Variants in PXMP4 observed in about 807,000 individuals in gnomAD.
PXMP4 encodes 24 kDa peroxisomal intrinsic membrane protein.
Under a neutral mutation model 21.6 loss-of-function variants are expected in PXMP4, and 16 were observed. The observed-to-expected ratio is 0.74, with a 90% CI of 0.50 to 1.13. PXMP4 has a LOEUF of 1.13. Among genes scored for constraint, PXMP4 ranks in the 50% most tolerant of loss-of-function variants. The probability of loss-of-function intolerance (pLI) is 0.00; values close to 1 mark genes in which losing one functional copy is unlikely to be tolerated. For missense variants in PXMP4, 240 were observed against 277.7 expected, an observed-to-expected ratio of 0.86 and a Z score of 0.96; for synonymous variants, 127 against 123.8, an observed-to-expected ratio of 1.03 and a Z score of -0.17.
Position 33,703,429 on chromosome 20 carries a change from G to C in PXMP4, c.*4277C>G, listed in dbSNP as rs1194338710. 1 of 152,290 alleles carries C rather than the reference G, an allele frequency of 6.6e-6. No homozygotes were observed. The highest frequency in any genetic ancestry group is 2.4e-5 in the African/African-American group (1 of 41,476). 9.4% of individuals were successfully genotyped at this position (152,290 alleles called of 1,614,324 possible). A position where few individuals can be genotyped will look rare whatever the true frequency, so the allele number is the denominator to read the frequency against. ...TCAGTCACTTGCCCAAGGAAACTGT[G>C]GGGCCAGGGCTTGAGCCCAGGCACT... On this transcript the variant is annotated 3_prime_UTR_variant, in exon 4 of 4. Coordinates refer to ENST00000409299, the MANE Select transcript of PXMP4 (RefSeq NM_007238.5).
Position 33,710,582 on chromosome 20 carries a change from A to G in PXMP4, c.348T>C (p.Phe116=). 1.2e-6 allele frequency: 2 copies of G among 1,609,910 alleles called. No individual in the cohort carries two copies. Among genetic ancestry groups the G allele is most frequent in the Non-Finnish European group, 1.7e-6 (2 of 1,179,050 alleles). Residue 116 remains phenylalanine (F), a synonymous_variant, in exon 3 of 4, where the codon TTT becomes TTC. Transcript: ENST00000409299. The part of the protein sequence containing the change: ...LAAFLGGILV[F]GENNNINSQI... The stretch of plus-strand genomic sequence containing the variant: ...GGCTGTTGATGTTATTGTTTTCTCC[A>G]AACACCAGGATACCCCCGAGGAAGG...
At position 33,707,681 on chromosome 20, in the gene PXMP4, C is replaced by A. The variant is rs2018272622; in HGVS notation, c.*25G>T. On this transcript the variant is annotated 3_prime_UTR_variant, in exon 4 of 4. Transcript: ENST00000409299. ...GTCTGCATGGGGCCAAATCTTGAGC[C>A]ACAGCCAGACACCTCAGGGCTGCAT... The A allele has an allele frequency of 6.2e-7, 1 of 1,605,926 alleles. No individual in the cohort carries two copies. Among genetic ancestry groups the A allele is most frequent in the Non-Finnish European group, 8.5e-7 (1 of 1,174,384 alleles).
At chr20:33,710,518 G>GC in intron 3 of PXMP4, 37 bp downstream of exon 3, 4 of 1,249,764 alleles carry the variant, frequency 3.2e-6, no homozygotes, top group Non-Finnish European at 4.3e-6. Context: ...GCTGAACCAC[G>GC]CCCCCTTCAC....
intron 1 of PXMP4, among the ~76,000 whole-genome samples, chr20:33,718,470 C>A (rs1315949832): frequency 1.5e-5 from 2 of 137,582 alleles, no homozygotes; most frequent in Non-Finnish European, 3.0e-5. Context: ...GAGATTGCGC[C>A]ACTGCACTCC....
intron 2 of PXMP4, among the ~76,000 whole-genome samples, chr20:33,712,564 C>T (rs1266955573): frequency 6.6e-6 from 1 of 152,232 alleles, no homozygotes; most frequent in Non-Finnish European, 1.5e-5. Flanking sequence ...ATTCTCCTGC[C>T]TCAGCCTCCC....
At chr20:33,710,278 C>T (rs2018311254) in intron 3 of PXMP4, among the ~76,000 whole-genome samples, 1 of 149,508 alleles carries the variant, frequency 6.7e-6, no homozygotes, top group Non-Finnish European at 1.5e-5. Flanking sequence ...CTTTCCCCCA[C>T]TCCTACCTCC....
At position 33,707,769 on chromosome 20, in the gene PXMP4, G is replaced by A. The variant is rs2018274983; in HGVS notation, c.576C>T (p.Asp192=). The part of the protein sequence containing the change: ...LQSSMTYLYE[D]SNVWHDISDF... Reference sequence around the variant, plus strand: ...CTGAGATGTCGTGCCATACATTGCTGTCCTCATAGAGGTAGGTCATGGAGG... The same window carrying A: ...CTGAGATGTCGTGCCATACATTGCTATCCTCATAGAGGTAGGTCATGGAGG... The change falls in exon 4 of 4, where the codon GAC becomes GAT. Residue 192 remains aspartate, a synonymous_variant. Coordinates refer to ENST00000409299, the MANE Select transcript of PXMP4 (RefSeq NM_007238.5). 1 of 1,614,186 alleles carries A rather than the reference G, an allele frequency of 6.2e-7. No individual in the cohort carries two copies. Among genetic ancestry groups the A allele is most frequent in the Non-Finnish European group, 8.5e-7 (1 of 1,180,036 alleles).
In PXMP4 at chr20:33,714,841, C is replaced by T. The variant is rs956754327; in HGVS notation, c.114-105G>A. ...TCTCTCCCCCCATCCCAAATTCTAA[C>T]ACCACTTTGGGAGGGGAAATCATGC... On this transcript the variant is annotated intron_variant, in intron 1 of 3. Transcript: ENST00000409299. The T allele has an allele frequency of 2.7e-6, 3 of 1,122,152 alleles. No individual in the cohort carries two copies. The African/African-American group carries it at 4.6e-5, about 17-fold the overall frequency. 69.5% of individuals were successfully genotyped at this position (1,122,152 alleles called of 1,614,324 possible).
intron 1 of PXMP4, among the ~76,000 whole-genome samples, chr20:33,715,226 G>A (rs545220290): frequency 1.0e-3 from 152 of 152,048 alleles, no homozygotes; most frequent in African/African-American, 3.4e-3. Flanking sequence ...CTGCAGCCTC[G>A]GCCTCCCGGG....
intron 2 of PXMP4, among the ~76,000 whole-genome samples, chr20:33,712,213 G>A (rs2018334858): frequency 6.6e-6 from 1 of 152,174 alleles, no homozygotes; most frequent in Admixed American, 6.5e-5. Flanking sequence ...TTCTAAGGCA[G>A]GAAAGCTGGA....
Position 33,706,669 on chromosome 20 carries a change from G to C in PXMP4, c.*1037C>G, listed in dbSNP as rs147958863. 1 of 152,170 alleles carries C rather than the reference G, an allele frequency of 6.6e-6. No individual in the cohort carries two copies. The highest frequency in any genetic ancestry group is 1.5e-5 in the Non-Finnish European group (1 of 68,006). The allele number at this position is 152,170 out of a possible 1,614,324, so 9.4% of individuals were successfully genotyped here. On this transcript the variant is annotated 3_prime_UTR_variant, in exon 4 of 4. Coordinates refer to ENST00000409299, the MANE Select transcript of PXMP4 (RefSeq NM_007238.5). Reference sequence around the variant, plus strand: ...TGTCCTCTAGCTCTAGATCTGCACTGTCCACTAGAATAATCTGTGAGGATA... The same window carrying C: ...TGTCCTCTAGCTCTAGATCTGCACTCTCCACTAGAATAATCTGTGAGGATA...
chr20:33,715,929 C>G (rs950357073), intron 1 of PXMP4, among the ~76,000 whole-genome samples: 2 of 150,052 alleles, frequency 1.3e-5, no homozygotes, highest in African/African-American at 4.9e-5. Context: ...ACTGCAACCT[C>G]CGCCTCCTGG....
At chr20:33,715,199 G>T (rs1194121183) in intron 1 of PXMP4, among the ~76,000 whole-genome samples, 1 of 152,182 alleles carries the variant, frequency 6.6e-6, no homozygotes, top group Non-Finnish European at 1.5e-5. Context: ...GGAGTACAGT[G>T]GTGCAATCTT....
rs899651280 is a variant in PXMP4, at chr20:33,703,943, C to G, written c.*3763G>C. The stretch of plus-strand genomic sequence containing the variant: ...TTAGAGGAGCTATAGGCAGGGCACC[C>G]CCACCATCTGCTATAAAACCTGCCT... On this transcript the variant is annotated 3_prime_UTR_variant, in exon 4 of 4. Coordinates refer to ENST00000409299, the MANE Select transcript of PXMP4 (RefSeq NM_007238.5). The G allele has an allele frequency of 6.6e-6, 1 of 152,214 alleles. No individual in the cohort carries two copies. Among genetic ancestry groups the G allele is most frequent in the Non-Finnish European group, 1.5e-5 (1 of 68,106 alleles). The allele number at this position is 152,214 out of a possible 1,614,324, so 9.4% of individuals were successfully genotyped here. A position where few individuals can be genotyped will look rare whatever the true frequency, so the allele number is the denominator to read the frequency against.
intron 1 of PXMP4, among the ~76,000 whole-genome samples, chr20:33,718,708 A>C (rs989290604): frequency 2.6e-5 from 4 of 152,024 alleles, no homozygotes; most frequent in African/African-American, 9.7e-5. Flanking sequence ...ACCGTGACCA[A>C]GTGCTGTGGC....
Position 33,710,578 on chromosome 20 carries a change from C to G in PXMP4, c.352G>C (p.Glu118Gln). ...AFLGGILVFG[E>Q]NNNINSQINM... is the part of the protein sequence containing the mutation. ...ACCTGGCTGTTGATGTTATTGTTTTCTCCAAACACCAGGATACCCCCGAGG... is the reference window on the plus strand; with the variant it reads ...ACCTGGCTGTTGATGTTATTGTTTTGTCCAAACACCAGGATACCCCCGAGG... The change falls in exon 3 of 4, where the codon GAA becomes CAA. Residue 118 changes from glutamate to glutamine, a missense_variant. By Grantham distance (29) the Glu-to-Gln change is conservative (BLOSUM62 2). Transcript: ENST00000409299. 6.3e-7 allele frequency: 1 copy of G among 1,592,294 alleles called. No homozygotes were observed. The highest frequency in any genetic ancestry group is 1.4e-5 in the African/African-American group (1 of 73,770).
chr20:33,714,706 C>T lies in PXMP4; in HGVS notation c.144G>A (p.Ala48=), dbSNP rs558116203. The T allele has an allele frequency of 6.8e-6, 11 of 1,613,916 alleles. No individual in the cohort carries two copies. The highest frequency in any genetic ancestry group is 4.5e-5 in the East Asian group (2 of 44,902). ...TCCGGAAGAGAAAGGTCATGACCAGCGCGTGAGGGGCCCGGATTTTGGCTC... is the reference window on the plus strand; with the variant it reads ...TCCGGAAGAGAAAGGTCATGACCAGTGCGTGAGGGGCCCGGATTTTGGCTC... The part of the protein sequence containing the change: ...VYGAKIRAPH[A]LVMTFLFRNG... Residue 48 remains alanine (A), a synonymous_variant, in exon 2 of 4, where the codon GCG becomes GCA. Coordinates refer to ENST00000409299, the MANE Select transcript of PXMP4 (RefSeq NM_007238.5).
chr20:33,714,564 A>T, intron 2 of PXMP4, 110 bp downstream of exon 2: 1 of 1,095,058 alleles, frequency 9.1e-7, no homozygotes, highest in African/African-American at 1.6e-5. Flanking sequence ...AAAAGAGTTG[A>T]ACTTTAGAAG....
Position 33,705,948 on chromosome 20 carries a change from C to G in PXMP4, c.*1758G>C, listed in dbSNP as rs2018252873. 1.3e-5 allele frequency: 2 copies of G among 151,324 alleles called. No individual in the cohort carries two copies. Among genetic ancestry groups the G allele is most frequent in the African/African-American group, 4.9e-5 (2 of 41,180 alleles). 9.4% of individuals were successfully genotyped at this position (151,324 alleles called of 1,614,324 possible). A position where few individuals can be genotyped will look rare whatever the true frequency, so the allele number is the denominator to read the frequency against. On this transcript the variant is annotated 3_prime_UTR_variant, in exon 4 of 4. Transcript: ENST00000409299. ...TTTCTTTTTTTATTTTTTTTTTAGA[C>G]ACAGTCTCGCTCTGTGGCCCAGGCT...
Sources: allele counts gnomAD v4.1 joint callset (sites outside exome capture counted in the v4.1 genomes callset), GRCh38; gene constraint gnomAD v4.1.1; transcripts MANE v1.5; gene names NCBI Gene and HGNC (gene_info 2026-07-23, HGNC 2026-07-21).